Variants in TRPM3 observed in about 807,000 individuals in gnomAD.
The protein encoded by TRPM3 is long transient receptor potential channel 3.
A neutral mutation model predicts 181.2 loss-of-function variants in TRPM3; 77 were observed. The observed-to-expected ratio is 0.42, with a 90% CI of 0.35 to 0.51. TRPM3 has a LOEUF of 0.51. TRPM3 is among the 20% of genes least tolerant of loss of function. The pLI, the probability that TRPM3 is intolerant of heterozygous loss-of-function variation, is 0.01. For synonymous variants in TRPM3, 745 were observed against 796.4 expected (o/e 0.94, Z 1.09); for missense variants, 1,759 against 2,196.7 (o/e 0.80, Z 3.98).
At chr9:71,051,854 A>T (rs2060095387) in intron 1 of TRPM3, among the ~76,000 whole-genome samples, 1 of 152,152 alleles carries the variant, frequency 6.6e-6, no homozygotes, top group South Asian at 2.1e-4. Context: ...ATCTGAAATC[A>T]GAATAGCCCA....
intron 1 of TRPM3, among the ~76,000 whole-genome samples, chr9:70,964,633 T>C (rs1423916162): frequency 1.3e-5 from 2 of 152,078 alleles, no homozygotes; most frequent in African/African-American, 2.4e-5. Flanking sequence ...TGTGAATTAT[T>C]ATAAATAACA....
chr9:70,999,775 G>A (rs933040148), intron 1 of TRPM3, among the ~76,000 whole-genome samples: 8 of 152,132 alleles, frequency 5.3e-5, no homozygotes, highest in Admixed American at 1.3e-4. Flanking sequence ...CCAGAAAAAG[G>A]TGCAGCTCTT....
chr9:71,438,964 T>A (rs369398382), intron 1 of TRPM3, among the ~76,000 whole-genome samples: 1 of 152,212 alleles, frequency 6.6e-6, no homozygotes, highest in South Asian at 2.1e-4. Flanking sequence ...ATTAATTTTA[T>A]AACTACAATC....
chr9:71,188,475 C>A (rs985654), intron 1 of TRPM3, among the ~76,000 whole-genome samples: 34,637 of 151,778 alleles, frequency 0.23, 4,469 homozygotes, highest in African/African-American at 0.32. Flanking sequence ...CTTGTTTAAT[C>A]TGTGGATAAT....
intron 1 of TRPM3, among the ~76,000 whole-genome samples, chr9:70,995,475 A>T (rs1276723185): frequency 1.3e-5 from 2 of 149,368 alleles, no homozygotes; most frequent in Non-Finnish European, 1.5e-5. Flanking sequence ...CACTGGATCT[A>T]TTTTTTTTTT....
chr9:70,563,715 G>A (rs953057452), intron 22 of TRPM3, among the ~76,000 whole-genome samples: 1 of 152,198 alleles, frequency 6.6e-6, no homozygotes, highest in Non-Finnish European at 1.5e-5. Flanking sequence ...GTGGAGGAAG[G>A]GAGAAAGGAA....
chr9:71,131,126 T>C (rs1384673508), intron 1 of TRPM3, among the ~76,000 whole-genome samples: 1 of 152,214 alleles, frequency 6.6e-6, no homozygotes, highest in African/African-American at 2.4e-5. Context: ...CTCTCCAACC[T>C]CAACTCTTGA....
At chr9:70,990,789 C>A (rs896299776) in intron 1 of TRPM3, among the ~76,000 whole-genome samples, 2 of 152,150 alleles carry the variant, frequency 1.3e-5, no homozygotes, top group African/African-American at 4.8e-5. Context: ...TTTAGAACTA[C>A]TAAGTTTTCT....
chr9:71,262,164 T>C (rs2083100920), intron 1 of TRPM3, among the ~76,000 whole-genome samples: 1 of 152,204 alleles, frequency 6.6e-6, no homozygotes, highest in Non-Finnish European at 1.5e-5. Context: ...TATAAGCTCC[T>C]GGTGATACCC....
chr9:71,122,830 A>T (rs1468866109), upstream of TRPM3, among the ~76,000 whole-genome samples: 1 of 152,194 alleles, frequency 6.6e-6, no homozygotes, highest in Non-Finnish European at 1.5e-5. Context: ...CGTATAGTAA[A>T]ATTTATGTCT....
At chr9:70,915,225 A>G (rs541701866) in intron 1 of TRPM3, among the ~76,000 whole-genome samples, 4 of 152,348 alleles carry the variant, frequency 2.6e-5, no homozygotes, top group African/African-American at 9.6e-5. Flanking sequence ...GAATTCTATC[A>G]AATTTAACAA....
intron 1 of TRPM3, among the ~76,000 whole-genome samples, chr9:71,107,922 G>A (rs549082607): frequency 1.3e-5 from 2 of 152,028 alleles, no homozygotes; most frequent in Admixed American, 1.3e-4. Context: ...ACATAAATTT[G>A]GGATGTTGCA....
At chr9:71,289,429 A>C (rs1342673197) in intron 1 of TRPM3, among the ~76,000 whole-genome samples, 1 of 152,208 alleles carries the variant, frequency 6.6e-6, no homozygotes, top group African/African-American at 2.4e-5. Context: ...AAGTTTGTGC[A>C]CTTAAAGATA....
intron 8 of TRPM3, among the ~76,000 whole-genome samples, chr9:70,684,021 T>C (rs2066155320): frequency 6.6e-6 from 1 of 152,226 alleles, no homozygotes; most frequent in Non-Finnish European, 1.5e-5. Context: ...GTTCATTGTT[T>C]AGAATTAAGA....
intron 22 of TRPM3, among the ~76,000 whole-genome samples, chr9:70,558,943 A>G (rs532500201): frequency 6.6e-6 from 1 of 152,258 alleles, no homozygotes; most frequent in Non-Finnish European, 1.5e-5. Context: ...GAAATAGATG[A>G]TTGGGCTCTG....
Position 70,952,220 on chromosome 9 carries a change from C to G in TRPM3, c.178-87709G>C, listed in dbSNP as rs112535709. Among the ~76,000 whole-genome samples, 130 of 152,278 alleles carry G rather than the reference C, an allele frequency of 8.5e-4. 1 individual carries two copies. The highest frequency in any genetic ancestry group is 3.1e-3 in the African/African-American group (127 of 41,578). On this transcript the variant is annotated intron_variant, in intron 1 of 25. Coordinates refer to ENST00000677713, the MANE Select transcript of TRPM3 (RefSeq NM_001366145.2). Reference sequence around the variant, plus strand: ...GCAAGTTTTATTGCTCATTTTACAGCCTGATTCCATAGCCTGGGAATGATC... The same window carrying G: ...GCAAGTTTTATTGCTCATTTTACAGGCTGATTCCATAGCCTGGGAATGATC...
chr9:71,041,797 A>G (rs1378425599), intron 1 of TRPM3, among the ~76,000 whole-genome samples: 1 of 152,150 alleles, frequency 6.6e-6, no homozygotes, highest in Non-Finnish European at 1.5e-5. Context: ...CTGTTCAGGT[A>G]GGATTTAGCC....
chr9:70,670,736 T>A (rs1186869516), intron 9 of TRPM3, among the ~76,000 whole-genome samples: 1 of 152,092 alleles, frequency 6.6e-6, no homozygotes, highest in Admixed American at 6.5e-5. Context: ...AGGGAAAGAG[T>A]ATAAAACGAT....
chr9:70,598,276 A>G, intron 21 of TRPM3, 143 bp downstream of exon 21: 1 of 1,116,992 alleles, frequency 9.0e-7, no homozygotes, highest in Non-Finnish European at 1.3e-6. Context: ...CCAAACATTC[A>G]AAAGGAATTC....
Sources: gnomAD v4.1 joint callset for allele counts (sites outside exome capture counted in the v4.1 genomes callset) on GRCh38, gnomAD v4.1.1 for gene constraint, MANE v1.5 for transcripts, NCBI Gene and HGNC (gene_info 2026-07-23, HGNC 2026-07-21) for gene names.